The following PLEKHM3 variants were observed in gnomAD, a reference collection of about 807,000 sequenced individuals.
The protein encoded by PLEKHM3 is pleckstrin homology domain containing M3.
Under a neutral mutation model 81.8 loss-of-function variants are expected in PLEKHM3, and 45 were observed. The observed-to-expected ratio is 0.55, with a 90% CI of 0.43 to 0.71. The LOEUF (loss-of-function observed/expected upper bound fraction) is 0.71. PLEKHM3 is among the 30% of genes least tolerant of loss of function. The pLI is 0.00. For missense variants in PLEKHM3, 788 were observed against 924.3 expected (o/e 0.85, Z 1.91); for synonymous variants, 352 against 356.4 (o/e 0.99, Z 0.14).
At chr2:207,875,932 A>C (rs189298884) in intron 6 of PLEKHM3, among the ~76,000 whole-genome samples, 1 of 152,386 alleles carries the variant, frequency 6.6e-6, no homozygotes, top group East Asian at 1.9e-4. Flanking sequence ...GCCAGTAAAA[A>C]GAATGAGGTA....
rs1249135568 is a variant in PLEKHM3, at chr2:207,823,101, A to G, written c.*5218T>C. 1 of 71,586 alleles carries G rather than the reference A, an allele frequency of 1.4e-5. No individual in the cohort carries two copies. Among genetic ancestry groups the G allele is most frequent in the East Asian group, 5.0e-4 (1 of 1,992 alleles). The allele number at this position is 71,586 out of a possible 1,614,324, so 4.4% of individuals were successfully genotyped here. ...TCTGGGCAACAACCAGCTTCATTCA[A>G]AGTCTGGAACTTCATTCAAAGTCTG... On this transcript the variant is annotated 3_prime_UTR_variant, in exon 8 of 8. Coordinates refer to ENST00000427836, the MANE Select transcript of PLEKHM3 (RefSeq NM_001080475.3).
Position 207,880,762 on chromosome 2 carries a change from CAAAAAAAA to C in PLEKHM3, c.1951-19508_1951-19501del, listed in dbSNP as rs61384566. Among the ~76,000 whole-genome samples, 13 of 6,964 alleles carry C rather than the reference CAAAAAAAA, an allele frequency of 1.9e-3. No individual in the cohort carries two copies. In the East Asian group the frequency reaches 0.091, roughly 49 times the overall value. The allele number at this position is 6,964 out of a possible 152,430, so 4.6% of individuals were successfully genotyped here. ...TGGGAGACACAGCGAGACTCTGTCTCAAAAAAAAAAAAAAAAAAAAAAAAAACCAAAAA... is the reference window on the plus strand; with the variant it reads ...TGGGAGACACAGCGAGACTCTGTCTCAAAAAAAAAAAAAAAAAACCAAAAA... On this transcript the variant is annotated intron_variant, in intron 6 of 7. Coordinates refer to ENST00000427836, the MANE Select transcript of PLEKHM3 (RefSeq NM_001080475.3).
At chr2:207,960,309 A>G (rs1288304064) in intron 3 of PLEKHM3, among the ~76,000 whole-genome samples, 3 of 151,418 alleles carry the variant, frequency 2.0e-5, no homozygotes, top group Admixed American at 6.6e-5. Flanking sequence ...CAGGAAGCAG[A>G]TTTCTGTCTG....
In PLEKHM3 at chr2:207,919,270, C is replaced by G. The variant is rs144071012; in HGVS notation, c.1887-10693G>C. On this transcript the variant is annotated intron_variant, in intron 5 of 7. Transcript: ENST00000427836. ...AGGACCAACAAAAAGGCCAGTGTGACTGGAACAGAGTGAATGAGGGGGAAA... is the reference window on the plus strand; with the variant it reads ...AGGACCAACAAAAAGGCCAGTGTGAGTGGAACAGAGTGAATGAGGGGGAAA... 8.0e-3 allele frequency among the ~76,000 whole-genome samples: 1,213 copies of G among 152,280 alleles called. 16 individuals carry two copies. The highest frequency in any genetic ancestry group is 0.031 in the Middle Eastern group (9 of 294).
intron 5 of PLEKHM3, among the ~76,000 whole-genome samples, chr2:207,928,457 G>C (rs1424517467): frequency 1.3e-5 from 2 of 152,210 alleles, no homozygotes; most frequent in Admixed American, 6.5e-5. Flanking sequence ...CCAGATATAA[G>C]AACAGTCTAG....
intron 6 of PLEKHM3, among the ~76,000 whole-genome samples, chr2:207,903,159 T>C (rs918441619): frequency 1.6e-4 from 25 of 152,172 alleles, no homozygotes; most frequent in African/African-American, 5.6e-4. Context: ...TACCATGCCA[T>C]GTTTTCAAAT....
intron 2 of PLEKHM3, among the ~76,000 whole-genome samples, chr2:207,994,112 G>A (rs1307639571): frequency 6.6e-6 from 1 of 152,104 alleles, no homozygotes; most frequent in African/African-American, 2.4e-5. Flanking sequence ...ACAATAAAGT[G>A]GTTTTTCCAA....
At chr2:207,911,221 T>C (rs527725289) in intron 5 of PLEKHM3, among the ~76,000 whole-genome samples, 9 of 152,330 alleles carry the variant, frequency 5.9e-5, no homozygotes, top group African/African-American at 1.9e-4. Flanking sequence ...TTGTTTGTTT[T>C]TACTTTGTTT....
At chr2:207,861,075 T>G in intron 7 of PLEKHM3, 30 bp downstream of exon 7, 1 of 1,606,432 alleles carries the variant, frequency 6.2e-7, no homozygotes, top group Non-Finnish European at 8.5e-7. Flanking sequence ...CACATTTGGG[T>G]GTTCTTTTAT....
At chr2:207,871,673 C>G (rs2092535470) in intron 6 of PLEKHM3, among the ~76,000 whole-genome samples, 1 of 152,044 alleles carries the variant, frequency 6.6e-6, no homozygotes. Context: ...CTAAGTGCCT[C>G]AAGGGTTGTG....
chr2:207,887,258 C>T (rs1255144026), intron 6 of PLEKHM3, among the ~76,000 whole-genome samples: 1 of 152,156 alleles, frequency 6.6e-6, no homozygotes. Flanking sequence ...AAATAAATAA[C>T]TTACTACAAA....
intron 3 of PLEKHM3, among the ~76,000 whole-genome samples, chr2:207,948,733 C>T (rs12988800): frequency 0.2 from 30,388 of 152,000 alleles, 3,621 homozygotes; most frequent in Middle Eastern, 0.34. Flanking sequence ...TTAGTAGAGA[C>T]GGGGTTTCAC....
chr2:207,884,662 T>A (rs912479920), intron 6 of PLEKHM3, among the ~76,000 whole-genome samples: 9 of 152,222 alleles, frequency 5.9e-5, no homozygotes, highest in Non-Finnish European at 1.3e-4. Context: ...ATTCTTCATT[T>A]TCAACATAAA....
chr2:207,952,461 A>T (rs886487754), intron 3 of PLEKHM3, among the ~76,000 whole-genome samples: 2 of 152,244 alleles, frequency 1.3e-5, no homozygotes, highest in Non-Finnish European at 2.9e-5. Context: ...CTATTTTACA[A>T]GGATTAGGGG....
rs1302943568 is a variant in PLEKHM3 at position 207,825,321 on chromosome 2, T to C, written c.*2998A>G. On this transcript the variant is annotated 3_prime_UTR_variant, in exon 8 of 8. Coordinates refer to ENST00000427836, the MANE Select transcript of PLEKHM3 (RefSeq NM_001080475.3). The stretch of plus-strand genomic sequence containing the variant: ...TTTCCTCAAGTGATACACTAGGGAA[T>C]GAGCCTTTCAGCAAAAAGCGGTTCC... 6.6e-6 allele frequency: 1 copy of C among 152,218 alleles called. No homozygotes were observed. The highest frequency in any genetic ancestry group is 1.5e-5 in the Non-Finnish European group (1 of 68,042). The allele number at this position is 152,218 out of a possible 1,614,324, so 9.4% of individuals were successfully genotyped here.
chr2:207,887,053 G>C (rs1449769986), intron 6 of PLEKHM3, among the ~76,000 whole-genome samples: 1 of 152,148 alleles, frequency 6.6e-6, no homozygotes, highest in South Asian at 2.1e-4. Context: ...CCTTAGAACA[G>C]TAAACAGCAT....
At chr2:208,011,545 T>C (rs1269369585) in intron 1 of PLEKHM3, among the ~76,000 whole-genome samples, 1 of 151,624 alleles carries the variant, frequency 6.6e-6, no homozygotes, top group African/African-American at 2.4e-5. Context: ...CACTCACAAA[T>C]GGGAGCTAAG....
chr2:207,887,600 G>A (rs1687920074), intron 6 of PLEKHM3, among the ~76,000 whole-genome samples: 1 of 152,162 alleles, frequency 6.6e-6, no homozygotes, highest in Non-Finnish European at 1.5e-5. Flanking sequence ...ATACAGTAAG[G>A]GAGGACTTAC....
intron 6 of PLEKHM3, among the ~76,000 whole-genome samples, chr2:207,903,826 T>C (rs994207889): frequency 9.2e-5 from 14 of 152,240 alleles, no homozygotes; most frequent in African/African-American, 3.4e-4. Flanking sequence ...GGAAAGCAGA[T>C]AGCTGACGCC....
Sources: allele counts gnomAD v4.1 joint callset (sites outside exome capture counted in the v4.1 genomes callset), GRCh38; gene constraint gnomAD v4.1.1; transcripts MANE v1.5; gene names NCBI Gene and HGNC (gene_info 2026-07-23, HGNC 2026-07-21).